The following MYOF variants were observed in gnomAD, a reference collection of about 807,000 sequenced individuals.
The protein encoded by MYOF is myoferlin.
A neutral mutation model predicts 284.2 loss-of-function variants in MYOF; 244 were observed. That is an observed-to-expected ratio of 0.86 (90% confidence interval 0.77 to 0.95). The LOEUF (loss-of-function observed/expected upper bound fraction) is 0.95, where lower values mean the gene tolerates loss of function less well. MYOF is among the 40% of genes least tolerant of loss of function. MYOF has a pLI of 0.00. For synonymous variants in MYOF, 904 were observed against 919.7 expected, an observed-to-expected ratio of 0.98 and a Z score of 0.31; for missense variants, 2,496 against 2,560.6, an observed-to-expected ratio of 0.97 and a Z score of 0.54.
At chr10:93,457,655 G>C (rs948163918) in intron 1 of MYOF, among the ~76,000 whole-genome samples, 3 of 152,026 alleles carry the variant, frequency 2.0e-5, no homozygotes, top group African/African-American at 7.2e-5. Context: ...GGCTTCTTTT[G>C]GGTCCCCAAG....
chr10:93,371,371 C>G (rs1845580224), intron 24 of MYOF, among the ~76,000 whole-genome samples: 1 of 152,126 alleles, frequency 6.6e-6, no homozygotes, highest in South Asian at 2.1e-4. Context: ...AACTACATAT[C>G]TATGTGACGC....
At chr10:93,331,263 G>A (rs948949449) in intron 43 of MYOF, among the ~76,000 whole-genome samples, 1 of 152,104 alleles carries the variant, frequency 6.6e-6, no homozygotes, top group African/African-American at 2.4e-5. Flanking sequence ...CTGCGGAGAA[G>A]AAAGCTACCC....
chr10:93,378,920 T>C (rs1845986390), intron 21 of MYOF, among the ~76,000 whole-genome samples: 1 of 151,784 alleles, frequency 6.6e-6, no homozygotes, highest in Non-Finnish European at 1.5e-5. Flanking sequence ...TTCACCATGC[T>C]GGCCAGGCTG....
intron 28 of MYOF, among the ~76,000 whole-genome samples, chr10:93,360,672 T>C (rs1845026817): frequency 6.6e-6 from 1 of 152,222 alleles, no homozygotes; most frequent in Admixed American, 6.5e-5. Flanking sequence ...TTCACTTAAC[T>C]TTAATTATGG....
At position 93,381,298 on chromosome 10, in the gene MYOF, A is replaced by G; in HGVS notation, c.1797T>C (p.Ile599=). ...VGEAIQFEVS[I]GNYGNKFDTT... ...TGTCAAACTTGTTGCCATAGTTCCC[A>G]ATGCTGACTTCAAACTGAATGGCCT... Residue 599 remains isoleucine (I), a synonymous_variant, in exon 20 of 54, where the codon ATT becomes ATC. Transcript: ENST00000359263. 6.2e-7 allele frequency: 1 copy of G among 1,614,174 alleles called. No individual in the cohort carries two copies. Among genetic ancestry groups the G allele is most frequent in the South Asian group, 1.1e-5 (1 of 91,088 alleles).
intron 27 of MYOF, 101 bp from the exon 28 acceptor site, chr10:93,361,658 C>G (rs1845080925): frequency 1.0e-6 from 1 of 982,424 alleles, no homozygotes. Flanking sequence ...GGCATTCACA[C>G]CTTTACTTAG....
chr10:93,325,999 G>A (rs781432339), intron 45 of MYOF, 34 bp from the exon 46 acceptor site: 9 of 1,613,470 alleles, frequency 5.6e-6, no homozygotes, highest in Non-Finnish European at 7.6e-6. Context: ...GCAGGAATGA[G>A]TATTTGGGAA....
At chr10:93,434,086 G>A (rs1274079742) in intron 3 of MYOF, among the ~76,000 whole-genome samples, 1 of 152,092 alleles carries the variant, frequency 6.6e-6, no homozygotes, top group Non-Finnish European at 1.5e-5. Context: ...CACCACACAA[G>A]ACGATCAACA....
Position 93,335,910 on chromosome 10 carries a change from A to T in MYOF, c.4563+11T>A. ...TGGATTTTAAACGGGACCAACACACATCTTACTCACCTTAAACTCTCCAAC... is the reference window on the plus strand; with the variant it reads ...TGGATTTTAAACGGGACCAACACACTTCTTACTCACCTTAAACTCTCCAAC... On this transcript the variant is annotated intron_variant, in intron 41 of 53. Coordinates refer to ENST00000359263, the MANE Select transcript of MYOF (RefSeq NM_013451.4). 1.2e-6 allele frequency: 2 copies of T among 1,613,112 alleles called. No individual in the cohort carries two copies. Among genetic ancestry groups the T allele is most frequent in the Non-Finnish European group, 1.7e-6 (2 of 1,179,700 alleles).
At chr10:93,419,662 C>T (rs1848274239) in intron 5 of MYOF, among the ~76,000 whole-genome samples, 1 of 152,168 alleles carries the variant, frequency 6.6e-6, no homozygotes, top group Non-Finnish European at 1.5e-5. Flanking sequence ...TCCTATATAA[C>T]AATTTGGTCA....
chr10:93,448,811 A>C (rs578027574), intron 3 of MYOF, among the ~76,000 whole-genome samples: 1 of 152,348 alleles, frequency 6.6e-6, no homozygotes, highest in East Asian at 1.9e-4. Context: ...CCTGGCCAAC[A>C]TAGTGAAACC....
intron 5 of MYOF, among the ~76,000 whole-genome samples, chr10:93,410,300 T>A (rs984586636): frequency 1.3e-5 from 2 of 152,188 alleles, no homozygotes; most frequent in Non-Finnish European, 2.9e-5. Flanking sequence ...TTCCTCCTCC[T>A]GGTTTGTCAC....
At chr10:93,388,182 C>A (rs1205854123) in intron 18 of MYOF, among the ~76,000 whole-genome samples, 1 of 136,580 alleles carries the variant, frequency 7.3e-6, no homozygotes, top group Non-Finnish European at 1.5e-5. Context: ...GTCTTCAAAC[C>A]ATGCTCTAGC....
chr10:93,356,586 G>A (rs1844814592), intron 30 of MYOF, 89 bp downstream of exon 30: 3 of 1,369,066 alleles, frequency 2.2e-6, no homozygotes, highest in Non-Finnish European at 3.0e-6. Context: ...GGGTTACAGG[G>A]ACCTCTATGG....
intron 43 of MYOF, 77 bp downstream of exon 43, chr10:93,333,144 T>C (rs1357952228): frequency 3.4e-6 from 4 of 1,187,040 alleles, no homozygotes; most frequent in African/African-American, 1.5e-5. Flanking sequence ...TAGGACAGGG[T>C]TGGACACATA....
chr10:93,477,359 G>A (rs1187660962), intron 1 of MYOF, among the ~76,000 whole-genome samples: 4 of 152,102 alleles, frequency 2.6e-5, no homozygotes, highest in African/African-American at 9.6e-5. Flanking sequence ...GGGTGTGGTG[G>A]CGCATGCCTG....
At chr10:93,361,332 GCTGGGGA>G in intron 28 of MYOF, 113 bp downstream of exon 28, 8 of 909,406 alleles carry the variant, frequency 8.8e-6, no homozygotes, top group Middle Eastern at 3.3e-4. Flanking sequence ...TGGCCTGGGG[GCTGGGGA>G]CTCCTGCCAT....
chr10:93,464,183 C>CT (rs2056951286), intron 1 of MYOF, among the ~76,000 whole-genome samples: 1 of 152,176 alleles, frequency 6.6e-6, no homozygotes, highest in African/African-American at 2.4e-5. Context: ...CCTCTAGACT[C>CT]TAACATAGAA....
At position 93,366,410 on chromosome 10, in the gene MYOF, A is replaced by T. The variant is rs1175664766; in HGVS notation, c.2735T>A (p.Ile912Lys). 6.2e-7 allele frequency: 1 copy of T among 1,613,184 alleles called. No individual in the cohort carries two copies. The highest frequency in any genetic ancestry group is 2.2e-5 in the East Asian group (1 of 44,866). ...PKGWEWEGEW[I>K]VDPERSLLTE... Reference sequence around the variant, plus strand: ...AACTTACCTTCTTTCAGGATCAACTATCCACTCTCCTTCCCATTCCCAGCC... The same window carrying T: ...AACTTACCTTCTTTCAGGATCAACTTTCCACTCTCCTTCCCATTCCCAGCC... The change falls in exon 26 of 54, where the codon ATA becomes AAA. Residue 912 changes from isoleucine to lysine, a missense_variant. Around this residue, in one of 3 missense-constraint regions of MYOF, gnomAD observed 2,436 missense variants for 2,480.7 expected, o/e 0.98. Transcript: ENST00000359263.
Sources: gnomAD v4.1 joint callset for allele counts (sites outside exome capture counted in the v4.1 genomes callset) on GRCh38, gnomAD v4.1.1 for gene constraint, gnomAD v4.1.1 regional missense constraint, MANE v1.5 for transcripts, NCBI Gene and HGNC (gene_info 2026-07-23, HGNC 2026-07-21) for gene names.